Variants in VRK2 observed in about 807,000 individuals in gnomAD.
VRK2 encodes serine/threonine-protein kinase VRK2.
In VRK2, 60 loss-of-function variants were observed where a neutral mutation model predicts 57.6. The observed-to-expected ratio is 1.04, with a 90% CI of 0.85 to 1.29. The LOEUF (loss-of-function observed/expected upper bound fraction) is 1.29. Ranked by LOEUF, VRK2 falls within the 50% of genes most tolerant of loss-of-function variation. VRK2 has a pLI of 0.00. For synonymous variants in VRK2, 231 were observed against 199.2 expected (o/e 1.16, Z -1.35); for missense variants, 705 against 588.1 (o/e 1.20, Z -2.06).
intron 2 of VRK2, among the ~76,000 whole-genome samples, chr2:58,071,709 A>G (rs1669383249): frequency 6.6e-6 from 1 of 152,016 alleles, no homozygotes; most frequent in African/African-American, 2.4e-5. Context: ...GAAAGCTTTG[A>G]ACTTGAATAG....
chr2:58,104,189 A>G (rs1326138071), intron 7 of VRK2, among the ~76,000 whole-genome samples: 1 of 151,860 alleles, frequency 6.6e-6, no homozygotes, highest in African/African-American at 2.4e-5. Flanking sequence ...CCTATTTATC[A>G]TAGTAGTGGA....
chr2:58,086,143 A>T (rs946450338), intron 4 of VRK2, among the ~76,000 whole-genome samples, 196 bp from the exon 5 acceptor site: 7 of 151,934 alleles, frequency 4.6e-5, no homozygotes, highest in Middle Eastern at 3.4e-3. Flanking sequence ...GATTTAATTT[A>T]AAAATTTCTA....
chr2:57,921,701 A>C (rs545632264), intron 1 of VRK2, among the ~76,000 whole-genome samples: 1 of 152,174 alleles, frequency 6.6e-6, no homozygotes, highest in Non-Finnish European at 1.5e-5. Context: ...GTAAGTTCCC[A>C]GTAAAGATGA....
At chr2:58,156,335 TGGC>T (rs1385641514) in intron 12 of VRK2, among the ~76,000 whole-genome samples, 1 of 152,194 alleles carries the variant, frequency 6.6e-6, no homozygotes, top group African/African-American at 2.4e-5. Context: ...TTTGTAAGGA[TGGC>T]TGTCTTTTGT....
intron 1 of VRK2, among the ~76,000 whole-genome samples, chr2:57,967,537 TA>T (rs1314723359): frequency 6.6e-6 from 1 of 152,108 alleles, no homozygotes; most frequent in Non-Finnish European, 1.5e-5. Context: ...TCTCAGCTTC[TA>T]AAGCTTTTCA....
chr2:58,121,725 T>C (rs1170448494), intron 7 of VRK2, among the ~76,000 whole-genome samples: 1 of 152,228 alleles, frequency 6.6e-6, no homozygotes, highest in East Asian at 1.9e-4. Context: ...GATTGTATGG[T>C]AAATACTCTA....
At chr2:58,040,203 G>A (rs975938175) in intron 3 of VRK2, among the ~76,000 whole-genome samples, 1 of 152,098 alleles carries the variant, frequency 6.6e-6, no homozygotes, top group Admixed American at 6.5e-5. Flanking sequence ...TGATAATTGT[G>A]TATCTCTCAG....
At chr2:58,159,204 C>T in intron 12 of VRK2, 145 bp from the exon 13 acceptor site, 1 of 588,084 alleles carries the variant, frequency 1.7e-6, no homozygotes, top group Non-Finnish European at 2.9e-6. Flanking sequence ...AAGATCTTTA[C>T]CTAAAAATTA....
intron 7 of VRK2, among the ~76,000 whole-genome samples, chr2:58,097,278 T>C (rs1206678351): frequency 6.6e-6 from 1 of 151,988 alleles, no homozygotes; most frequent in Non-Finnish European, 1.5e-5. Flanking sequence ...CTTATTAGTG[T>C]TTCTCTCTGT....
chr2:58,132,312 T>C (rs1426583671), intron 9 of VRK2, among the ~76,000 whole-genome samples: 1 of 152,182 alleles, frequency 6.6e-6, no homozygotes, highest in African/African-American at 2.4e-5. Context: ...CACTATGAAA[T>C]GGGACAAATA....
At chr2:58,028,162 C>T (rs1232437082) in intron 2 of VRK2, 2 of 152,152 alleles carry the variant, frequency 1.3e-5, no homozygotes, top group East Asian at 3.9e-4. Flanking sequence ...GCAAGGAAAA[C>T]TGTTTTTATC....
intron 7 of VRK2, among the ~76,000 whole-genome samples, chr2:58,122,868 A>C (rs750260940): frequency 6.6e-6 from 1 of 152,216 alleles, no homozygotes; most frequent in Non-Finnish European, 1.5e-5. Flanking sequence ...AAAAAGATTA[A>C]AAATCTAAGT....
Position 57,912,466 on chromosome 2 carries a change from TG to T in VRK2, c.-439+4628del, listed in dbSNP as rs1670017494. 2.6e-5 allele frequency among the ~76,000 whole-genome samples: 4 copies of T among 151,254 alleles called. No homozygotes were observed. In the South Asian group the frequency reaches 8.4e-4, roughly 32 times the overall value. On this transcript the variant is annotated intron_variant, in intron 1 of 15. Transcript: ENST00000417641. ...AAAAGACTAAAACTTGAAGATAGAG[TG>T]AAGTAATTAACCAAAACAGGGAGGA...
intron 1 of VRK2, among the ~76,000 whole-genome samples, chr2:57,957,257 T>C (rs968070148): frequency 5.3e-5 from 8 of 152,192 alleles, no homozygotes; most frequent in Non-Finnish European, 8.8e-5. Flanking sequence ...ATTCTCACTG[T>C]ACTTTAAATT....
intron 2 of VRK2, 45 bp downstream of exon 2, chr2:58,049,012 T>G: frequency 6.3e-7 from 1 of 1,584,278 alleles, no homozygotes; most frequent in Non-Finnish European, 8.6e-7. Flanking sequence ...TATCTGTGAC[T>G]GTAACCGTGA....
At chr2:57,929,735 T>C (rs563831399) in intron 1 of VRK2, among the ~76,000 whole-genome samples, 6 of 152,236 alleles carry the variant, frequency 3.9e-5, no homozygotes, top group South Asian at 2.1e-4. Context: ...CTGGGTGTCA[T>C]TGCTGATTAT....
intron 1 of VRK2, among the ~76,000 whole-genome samples, chr2:57,908,772 A>G (rs1423988295): frequency 6.6e-6 from 1 of 152,192 alleles, no homozygotes; most frequent in African/African-American, 2.4e-5. Flanking sequence ...TACCTGTTAA[A>G]TTAAAATGAA....
At chr2:57,915,346 T>C (rs1451650997) in intron 1 of VRK2, among the ~76,000 whole-genome samples, 2 of 152,182 alleles carry the variant, frequency 1.3e-5, no homozygotes, top group Non-Finnish European at 2.9e-5. Flanking sequence ...GTAATAATTC[T>C]ATTATTTTAT....
chr2:58,050,212 A>G (rs1006024073), intron 2 of VRK2, among the ~76,000 whole-genome samples: 8 of 152,204 alleles, frequency 5.3e-5, no homozygotes, highest in African/African-American at 1.7e-4. Context: ...TATCAAAAAT[A>G]TTATTTCAAT....
Sources: allele counts gnomAD v4.1 joint callset (sites outside exome capture counted in the v4.1 genomes callset), GRCh38; gene constraint gnomAD v4.1.1; transcripts MANE v1.5; gene names NCBI Gene and HGNC (gene_info 2026-07-23, HGNC 2026-07-21).